Variants in NDST4 observed in about 807,000 individuals in gnomAD.
NDST4 encodes the protein N-heparan sulfate sulfotransferase 4.
A neutral mutation model predicts 100.8 loss-of-function variants in NDST4; 63 were observed. The observed-to-expected ratio is 0.62, with a 90% CI of 0.51 to 0.77. NDST4 has a LOEUF of 0.77. Ranked by LOEUF, NDST4 falls within the 30% of genes least tolerant of loss-of-function variation. NDST4 has a pLI of 0.00. For missense variants in NDST4, 943 were observed against 1,018.4 expected, an observed-to-expected ratio of 0.93 and a Z score of 1.01; for synonymous variants, 377 against 361.8, an observed-to-expected ratio of 1.04 and a Z score of -0.48.
chr4:115,110,168 A>G (rs578138920), intron 1 of NDST4, among the ~76,000 whole-genome samples: 10 of 152,108 alleles, frequency 6.6e-5, no homozygotes, highest in African/African-American at 2.4e-4. Context: ...AACTATATCT[A>G]TTAGAAATGC....
chr4:114,899,291 C>T (rs1042207310), intron 6 of NDST4, among the ~76,000 whole-genome samples: 2 of 152,208 alleles, frequency 1.3e-5, no homozygotes, highest in Non-Finnish European at 2.9e-5. Context: ...CATTCTCCTG[C>T]CTCAGCCTCC....
chr4:115,045,909 G>A, intron 2 of NDST4, among the ~76,000 whole-genome samples: 1 of 152,082 alleles, frequency 6.6e-6, no homozygotes, highest in South Asian at 2.1e-4. Context: ...AAATGGCAAA[G>A]GATTAGGGTT....
intron 6 of NDST4, among the ~76,000 whole-genome samples, chr4:114,905,406 A>G (rs1338437021): frequency 6.6e-6 from 1 of 151,948 alleles, no homozygotes; most frequent in African/African-American, 2.4e-5. Flanking sequence ...TGATTTTTTA[A>G]TCCACACAAT....
At chr4:115,097,578 A>C (rs1729644328) in intron 1 of NDST4, among the ~76,000 whole-genome samples, 1 of 152,146 alleles carries the variant, frequency 6.6e-6, no homozygotes, top group African/African-American at 2.4e-5. Flanking sequence ...CTCTGCACAA[A>C]TTAGCATTAT....
intron 6 of NDST4, among the ~76,000 whole-genome samples, chr4:114,875,905 A>G (rs1198179880): frequency 6.6e-6 from 1 of 152,190 alleles, no homozygotes; most frequent in Non-Finnish European, 1.5e-5. Context: ...GATCATGAAT[A>G]TCAGTAGCCA....
intron 4 of NDST4, among the ~76,000 whole-genome samples, chr4:114,961,275 A>T (rs1457269981): frequency 6.6e-6 from 1 of 152,050 alleles, no homozygotes; most frequent in Non-Finnish European, 1.5e-5. Context: ...TCAATAACCT[A>T]TTATTTCTCC....
chr4:115,070,380 T>G (rs563987486), intron 2 of NDST4, among the ~76,000 whole-genome samples: 2 of 151,882 alleles, frequency 1.3e-5, no homozygotes, highest in Non-Finnish European at 2.9e-5. Flanking sequence ...CATGGACACA[T>G]AGAAGGGAAT....
At chr4:114,870,742 C>G in intron 7 of NDST4, 26 bp downstream of exon 7, 1 of 1,574,158 alleles carries the variant, frequency 6.4e-7, no homozygotes, top group Non-Finnish European at 8.6e-7. Context: ...TTTCCTTCCA[C>G]CCCAAGAGAG....
chr4:114,968,165 T>C (rs1415183123), intron 4 of NDST4, among the ~76,000 whole-genome samples: 1 of 152,098 alleles, frequency 6.6e-6, no homozygotes, highest in African/African-American at 2.4e-5. Flanking sequence ...ACTCAAAGAG[T>C]GATGAGCTAT....
chr4:114,974,932 T>C (rs1056222257), intron 3 of NDST4, among the ~76,000 whole-genome samples: 1 of 152,144 alleles, frequency 6.6e-6, no homozygotes, highest in Non-Finnish European at 1.5e-5. Context: ...CCTCACGCAC[T>C]GGGAAATCAG....
chr4:114,920,387 G>C lies in NDST4; in HGVS notation c.1536+14819C>G, dbSNP rs192415493. Among the ~76,000 whole-genome samples, 6 of 152,212 alleles carry C rather than the reference G, an allele frequency of 3.9e-5. No individual in the cohort carries two copies. The East Asian group carries it at 1.2e-3, about 29-fold the overall frequency. ...TCTAAAAATAAATTGCAGGAGGATG[G>C]CAATTTTCAAGTCACATCTTTTATT... On this transcript the variant is annotated intron_variant, in intron 6 of 13. Transcript: ENST00000264363.
intron 6 of NDST4, among the ~76,000 whole-genome samples, chr4:114,924,379 G>A (rs1462279021): frequency 6.7e-6 from 1 of 150,188 alleles, no homozygotes; most frequent in Non-Finnish European, 1.5e-5. Flanking sequence ...ATCCCTTACA[G>A]AAGTGGTGAT....
chr4:115,014,632 C>T (rs1428278301), intron 2 of NDST4, among the ~76,000 whole-genome samples: 4 of 151,984 alleles, frequency 2.6e-5, no homozygotes, highest in African/African-American at 9.7e-5. Context: ...GCTGCTGTGT[C>T]ACTTGGGTTA....
chr4:114,914,641 T>C (rs1484072115), intron 6 of NDST4, among the ~76,000 whole-genome samples: 3 of 152,140 alleles, frequency 2.0e-5, no homozygotes, highest in Non-Finnish European at 2.9e-5. Flanking sequence ...AAGGTAATGA[T>C]ATTGTTTTTT....
chr4:115,063,909 A>G (rs1188098105), intron 2 of NDST4, among the ~76,000 whole-genome samples: 6 of 151,886 alleles, frequency 4.0e-5, no homozygotes, highest in Non-Finnish European at 7.4e-5. Context: ...CAACTTGACT[A>G]GTGAAATGGA....
intron 7 of NDST4, among the ~76,000 whole-genome samples, chr4:114,859,067 G>C (rs574129351): frequency 2.0e-5 from 3 of 152,300 alleles, no homozygotes; most frequent in Admixed American, 6.5e-5. Flanking sequence ...AACTGTAAAT[G>C]GCAAAGTATG....
Position 114,833,635 on chromosome 4 carries a change from T to A in NDST4, c.2367A>T (p.Thr789=). Residue 789 remains threonine, a synonymous_variant, in exon 12 of 14, where the codon ACA becomes ACT. Coordinates refer to ENST00000264363, the MANE Select transcript of NDST4 (RefSeq NM_022569.3). ...MDEVQKFLGV[T]PRYNYSEALT... is the part of the protein sequence containing the mutation. ...GTGCTTCAGAGTAATTATAACGAGGTGTAACTCCCAGAAACTTCTGGACTT... is the reference window on the plus strand; with the variant it reads ...GTGCTTCAGAGTAATTATAACGAGGAGTAACTCCCAGAAACTTCTGGACTT... 1 of 1,612,510 alleles carries A rather than the reference T, an allele frequency of 6.2e-7. No individual in the cohort carries two copies. Among genetic ancestry groups the A allele is most frequent in the Non-Finnish European group, 8.5e-7 (1 of 1,178,928 alleles).
At chr4:114,940,532 C>A in intron 4 of NDST4, among the ~76,000 whole-genome samples, 1 of 152,148 alleles carries the variant, frequency 6.6e-6, no homozygotes, top group East Asian at 1.9e-4. Context: ...GGACGGGGAG[C>A]ATGTAGGTGA....
chr4:114,954,194 T>G (rs2126233342), intron 4 of NDST4, among the ~76,000 whole-genome samples: 1 of 152,294 alleles, frequency 6.6e-6, no homozygotes, highest in African/African-American at 2.4e-5. Context: ...TAAACTTAAT[T>G]TTTTTGCCTA....
Sources: gnomAD v4.1 joint callset for allele counts (sites outside exome capture counted in the v4.1 genomes callset) on GRCh38, gnomAD v4.1.1 for gene constraint, MANE v1.5 for transcripts, NCBI Gene and HGNC (gene_info 2026-07-23, HGNC 2026-07-21) for gene names.